LRP8: variants seen among roughly 807,000 people sequenced by gnomAD.
The protein encoded by LRP8 is LDL receptor related protein 8, also known as low-density lipoprotein receptor-related protein 8.
Under a neutral mutation model 111.6 loss-of-function variants are expected in LRP8, and 46 were observed. That is an observed-to-expected ratio of 0.41 (90% CI 0.33 to 0.53). The LOEUF is 0.53. LRP8 is among the 20% of genes least tolerant of loss of function. LRP8 has a pLI of 0.20. For synonymous variants in LRP8, 464 were observed against 511.2 expected, an observed-to-expected ratio of 0.91 and a Z score of 1.24; for missense variants, 959 against 1,297.4, an observed-to-expected ratio of 0.74 and a Z score of 4.01.
At position 53,327,967 on chromosome 1, in the gene LRP8, G is replaced by A; in HGVS notation, c.-55C>T. 9.7e-7 allele frequency: 1 copy of A among 1,029,824 alleles called. No individual in the cohort carries two copies. Among genetic ancestry groups the A allele is most frequent in the Non-Finnish European group, 1.2e-6 (1 of 857,752 alleles). 63.8% of individuals were successfully genotyped at this position (1,029,824 alleles called of 1,614,324 possible). On this transcript the variant is annotated 5_prime_UTR_variant, in exon 1 of 19. Coordinates refer to ENST00000306052, the MANE Select transcript of LRP8 (RefSeq NM_004631.5). ...CCGCGCTCCCCGCGCCGCCGCCGCC[G>A]CGTCTCAGCCCTCCGAGTCCTTGCC...
At position 53,295,205 on chromosome 1, in the gene LRP8, G is replaced by C. The variant is rs114934069; in HGVS notation, c.245-5516C>G. ...GAAGGCTTCCCAGAGGAGGGGCACTGTGTTCAAGGAAGAGGAGTCAGCCAA... is the reference window on the plus strand; with the variant it reads ...GAAGGCTTCCCAGAGGAGGGGCACTCTGTTCAAGGAAGAGGAGTCAGCCAA... On this transcript the variant is annotated intron_variant, in intron 2 of 18. Transcript: ENST00000306052. 9.8e-3 allele frequency among the ~76,000 whole-genome samples: 1,486 copies of C among 152,302 alleles called. 8 individuals carry two copies. Among genetic ancestry groups the C allele is most frequent in the Non-Finnish European group, 0.014 (985 of 68,012 alleles).
In LRP8 at chr1:53,260,477, C is replaced by T. The variant is rs1298256042; in HGVS notation, c.2043G>A (p.Leu681=). The T allele has an allele frequency of 6.2e-7, 1 of 1,614,152 alleles. No individual in the cohort carries two copies. Among genetic ancestry groups the T allele is most frequent in the Non-Finnish European group, 8.5e-7 (1 of 1,180,032 alleles). ...GAGACAGCTCACCTCTTGGCTGCTT[C>T]AGCTCATGGAAGATGACAATGTCAT... ...NPHDIVIFHE[L]KQPRAPDACE... is the part of the protein sequence containing the mutation. The change falls in exon 13 of 19, where the codon CTG becomes CTA. Residue 681 remains leucine (L), a synonymous_variant. Transcript: ENST00000306052.
chr1:53,279,454 G>C lies in LRP8; in HGVS notation c.496+1133C>G, dbSNP rs989038947. On this transcript the variant is annotated intron_variant, in intron 4 of 18. Coordinates refer to ENST00000306052, the MANE Select transcript of LRP8 (RefSeq NM_004631.5). The surrounding 1 kb of genome is among the most constrained non-coding windows in gnomAD (Gnocchi z 4.4). Reference sequence around the variant, plus strand: ...GAGGAAAGAGGATTCTCATTGGCCAGTGAGTCCCAGCAAAATTATCACAGC... The same window carrying C: ...GAGGAAAGAGGATTCTCATTGGCCACTGAGTCCCAGCAAAATTATCACAGC... Among the ~76,000 whole-genome samples the C allele has an allele frequency of 6.6e-6, 1 of 152,210 alleles. No homozygotes were observed. Among genetic ancestry groups the C allele is most frequent in the Non-Finnish European group, 1.5e-5 (1 of 68,042 alleles).
intron 2 of LRP8, among the ~76,000 whole-genome samples, chr1:53,320,983 T>C (rs1473795801): frequency 6.6e-6 from 1 of 152,220 alleles, no homozygotes; most frequent in African/African-American, 2.4e-5. Flanking sequence ...CTCAGTTTCA[T>C]CATCTTCGAA....
intron 2 of LRP8, among the ~76,000 whole-genome samples, chr1:53,300,442 G>A (rs148660239): frequency 7.0e-4 from 107 of 152,338 alleles, no homozygotes; most frequent in African/African-American, 2.4e-3. Context: ...AAGGTAGGAC[G>A]TTAGCAAGCT....
At chr1:53,267,343 A>C (rs1312999745) in intron 8 of LRP8, 1 of 152,212 alleles carries the variant, frequency 6.6e-6, no homozygotes. Flanking sequence ...ATGGTGGCAC[A>C]TGCCTGTAGT....
At chr1:53,277,860 C>T (rs557366183) in intron 4 of LRP8, among the ~76,000 whole-genome samples, 8 of 152,250 alleles carry the variant, frequency 5.3e-5, no homozygotes, top group Non-Finnish European at 1.0e-4. Context: ...TCCACACTGC[C>T]TGGGGGTGTC....
Position 53,266,439 on chromosome 1 carries a change from T to C in LRP8, c.1427+34A>G. Reference sequence around the variant, plus strand: ...CTGTCACCACCCCTCACCCCCACTCTTCATGCCTTGCTGCAGAGGATATGG... The same window carrying C: ...CTGTCACCACCCCTCACCCCCACTCCTCATGCCTTGCTGCAGAGGATATGG... On this transcript the variant is annotated intron_variant, in intron 9 of 18. Coordinates refer to ENST00000306052, the MANE Select transcript of LRP8 (RefSeq NM_004631.5). The surrounding 1 kb of genome is among the most constrained non-coding windows in gnomAD (Gnocchi z 5.0). 3 of 1,608,048 alleles carry C rather than the reference T, an allele frequency of 1.9e-6. No individual in the cohort carries two copies. The highest frequency in any genetic ancestry group is 2.6e-6 in the Non-Finnish European group (3 of 1,175,428).
Position 53,268,756 on chromosome 1 carries a change from A to T in LRP8, c.1253-2109T>A, listed in dbSNP as rs571646266. Among the ~76,000 whole-genome samples, 152 of 152,172 alleles carry T rather than the reference A, an allele frequency of 1.0e-3. 1 individual carries two copies. Among genetic ancestry groups the T allele is most frequent in the African/African-American group, 3.4e-3 (140 of 41,516 alleles). ...TCCCAAGCCCATACGTAGCAATCTT[A>T]TTTTTTCAGTTGCTGTAACTTTTTT... On this transcript the variant is annotated intron_variant, in intron 8 of 18. Transcript: ENST00000306052.
At chr1:53,311,634 C>T (rs922139365) in intron 2 of LRP8, among the ~76,000 whole-genome samples, 2 of 151,230 alleles carry the variant, frequency 1.3e-5, no homozygotes, top group African/African-American at 4.9e-5. Context: ...CACCCCATCT[C>T]TCTCTCCCTA....
At chr1:53,314,368 C>T (rs1244955346) in intron 2 of LRP8, among the ~76,000 whole-genome samples, 2 of 152,258 alleles carry the variant, frequency 1.3e-5, no homozygotes, top group Non-Finnish European at 2.9e-5. Flanking sequence ...CACCAGGCCC[C>T]ATGCTAGGGG....
intron 3 of LRP8, among the ~76,000 whole-genome samples, chr1:53,282,601 C>T (rs1647150117): frequency 6.6e-6 from 1 of 152,010 alleles, no homozygotes; most frequent in Non-Finnish European, 1.5e-5. Context: ...TGCTGGGGTC[C>T]TCTCATCAAA....
chr1:53,327,862 C>T lies in LRP8; in HGVS notation c.51G>A (p.Leu17=). The change falls in exon 1 of 19, where the codon CTG becomes CTA. Residue 17 remains leucine, a synonymous_variant. Transcript: ENST00000306052. ...GPLRLLALLL[L]LLLLLLLQLQ... The stretch of plus-strand genomic sequence containing the variant: ...GCTGCAGCAGCAGCAGCAGCAGCAG[C>T]AGCAGCAGCAGCGCCAGAAGCCGGA... The T allele has an allele frequency of 6.6e-7, 1 of 1,508,106 alleles. No individual in the cohort carries two copies. Among genetic ancestry groups the T allele is most frequent in the Non-Finnish European group, 8.8e-7 (1 of 1,134,240 alleles). 93.4% of individuals were successfully genotyped at this position (1,508,106 alleles called of 1,614,324 possible). A position where few individuals can be genotyped will look rare whatever the true frequency, so the allele number is the denominator to read the frequency against.
rs571408521 is a variant in LRP8, at chr1:53,275,318, T to C, written c.1006+313A>G. On this transcript the variant is annotated intron_variant, in intron 6 of 18. Transcript: ENST00000306052. The surrounding 1 kb of genome is among the most constrained non-coding windows in gnomAD (Gnocchi z 4.4). ...CTGGGGAGCAAGACTCAGCCTCTGC[T>C]CAGCCTGGGAACTAGTGAGGGAAGC... Among the ~76,000 whole-genome samples, 2 of 152,306 alleles carry C rather than the reference T, an allele frequency of 1.3e-5. No individual in the cohort carries two copies.
chr1:53,261,997 A>G, intron 12 of LRP8, 71 bp downstream of exon 12: 1 of 1,556,088 alleles, frequency 6.4e-7, no homozygotes, highest in Non-Finnish European at 8.8e-7. Flanking sequence ...TCAGGGACTC[A>G]TCCTATTTGA....
intron 9 of LRP8, among the ~76,000 whole-genome samples, chr1:53,265,249 TC>T (rs1204380381): frequency 6.6e-6 from 1 of 152,166 alleles, no homozygotes; most frequent in Non-Finnish European, 1.5e-5. Context: ...GGTGATTAGT[TC>T]CTTAGTGTCC....
chr1:53,320,834 G>C (rs930249481), intron 2 of LRP8, among the ~76,000 whole-genome samples: 3 of 152,134 alleles, frequency 2.0e-5, no homozygotes, highest in African/African-American at 7.2e-5. Flanking sequence ...ACCAGCCTCT[G>C]ACCCCACCAG....
In LRP8 at chr1:53,275,848, C is replaced by G. The variant is rs1012964027; in HGVS notation, c.884-95G>C. On this transcript the variant is annotated intron_variant, in intron 5 of 18. Coordinates refer to ENST00000306052, the MANE Select transcript of LRP8 (RefSeq NM_004631.5). The surrounding 1 kb of genome is among the most constrained non-coding windows in gnomAD (Gnocchi z 4.4). ...ATCCCCATGCCATAGCCACCCCCAG[C>G]AAAAACAGAACCAGTGGCTGAACTC... 1.4e-6 allele frequency: 2 copies of G among 1,474,412 alleles called. No individual in the cohort carries two copies. Among genetic ancestry groups the G allele is most frequent in the African/African-American group, 2.8e-5 (2 of 72,096 alleles). The allele number at this position is 1,474,412 out of a possible 1,614,324, so 91.3% of individuals were successfully genotyped here. A position where few individuals can be genotyped will look rare whatever the true frequency, so the allele number is the denominator to read the frequency against.
intron 2 of LRP8, among the ~76,000 whole-genome samples, chr1:53,323,277 T>A (rs1654745832): frequency 6.6e-6 from 1 of 152,238 alleles, no homozygotes; most frequent in Non-Finnish European, 1.5e-5. Flanking sequence ...ATAGGACTAT[T>A]TCAGGTACTT....
Sources: gnomAD v4.1 joint callset for allele counts (sites outside exome capture counted in the v4.1 genomes callset) on GRCh38, gnomAD v4.1.1 for gene constraint, Gnocchi (gnomAD v3.1) non-coding constraint, MANE v1.5 for transcripts, NCBI Gene and HGNC (gene_info 2026-07-23, HGNC 2026-07-21) for gene names.